BCL11A: variants seen among roughly 807,000 people sequenced by gnomAD.
BCL11A encodes the protein B cell CLL/lymphoma 11A.
In BCL11A, 2 loss-of-function variants were observed where a neutral mutation model predicts 55.9. That is an observed-to-expected ratio of 0.04 (90% confidence interval 0.01 to 0.11). BCL11A has a LOEUF of 0.11. Among genes scored for constraint, BCL11A ranks in the 10% least tolerant of loss-of-function variants. The probability of loss-of-function intolerance (pLI) is 1.00; values close to 1 mark genes in which losing one functional copy is unlikely to be tolerated. For synonymous variants in BCL11A, 465 were observed against 473.4 expected (o/e 0.98, Z 0.23); for missense variants, 817 against 1,137.1 (o/e 0.72, Z 4.05).
chr2:60,462,304 T>C lies in BCL11A; in HGVS notation c.608A>G (p.His203Arg), dbSNP rs763023112. Reference sequence around the variant, plus strand: ...AACCCGCGGGGTCAGGGGACTTCCGTGTTCGCTTTCTAAGTAGATTCTTAA... The same window carrying C: ...AACCCGCGGGGTCAGGGGACTTCCGCGTTCGCTTTCTAAGTAGATTCTTAA... Reference protein sequence around the residue: ...HGLRIYLESEHGSPLTPRVGI... With the variant: ...HGLRIYLESERGSPLTPRVGI... Residue 203 changes from histidine (H) to arginine (R), a missense_variant, in exon 4 of 4, where the codon CAC becomes CGC. His to Arg is a conservative substitution (Grantham distance 29). Transcript: ENST00000642384. 6.8e-6 allele frequency: 11 copies of C among 1,614,078 alleles called. No individual in the cohort carries two copies. The highest frequency in any genetic ancestry group is 9.3e-6 in the Non-Finnish European group (11 of 1,180,010).
At chr2:60,552,516 G>C (rs887884174) in intron 1 of BCL11A, among the ~76,000 whole-genome samples, 37 of 152,274 alleles carry the variant, frequency 2.4e-4, no homozygotes, top group Middle Eastern at 3.4e-3. Flanking sequence ...GGAACAAAAG[G>C]CGGCAGTGCC....
chr2:60,543,837 G>A (rs1285139831), intron 2 of BCL11A: 3 of 152,222 alleles, frequency 2.0e-5, no homozygotes, highest in Admixed American at 6.5e-5. Flanking sequence ...AGAGCTTTTC[G>A]TCTCAGTTAA....
intron 2 of BCL11A, among the ~76,000 whole-genome samples, chr2:60,475,834 C>T (rs1677562042): frequency 1.3e-5 from 2 of 152,186 alleles, no homozygotes; most frequent in African/African-American, 2.4e-5. Context: ...TGCCACCACT[C>T]CCCGGATTCT....
intron 2 of BCL11A, among the ~76,000 whole-genome samples, chr2:60,494,801 T>C (rs1042024798): frequency 6.6e-6 from 1 of 152,196 alleles, no homozygotes; most frequent in Non-Finnish European, 1.5e-5. Flanking sequence ...CTGGTATTTA[T>C]TAGTTACACC....
intron 2 of BCL11A, among the ~76,000 whole-genome samples, chr2:60,512,448 A>T (rs938625013): frequency 6.6e-6 from 1 of 152,188 alleles, no homozygotes; most frequent in African/African-American, 2.4e-5. Flanking sequence ...CCCCTGTGCC[A>T]CACACACTCG....
intron 2 of BCL11A, among the ~76,000 whole-genome samples, chr2:60,502,459 G>A (rs773976177): frequency 6.6e-6 from 1 of 152,146 alleles, no homozygotes; most frequent in Non-Finnish European, 1.5e-5. Context: ...GGGGTTTCTC[G>A]CTAGCACAGA....
At chr2:60,485,203 G>A (rs1449945426) in intron 2 of BCL11A, among the ~76,000 whole-genome samples, 1 of 152,328 alleles carries the variant, frequency 6.6e-6, no homozygotes, top group Admixed American at 6.5e-5. Flanking sequence ...CATCCAGAGT[G>A]TAATGGAAGT....
chr2:60,546,363 C>T lies in BCL11A; in HGVS notation c.56-63G>A. On this transcript the variant is annotated intron_variant, in intron 1 of 3. Transcript: ENST00000642384. This position sits in a 1 kb window ranked among gnomAD's most constrained non-coding sequence, Gnocchi z 4.1. ...CCAGAGAGGACAGAAAGGGGAGAAG[C>T]ACATCTCAACCCCATGCCATCCCAC... 1 of 1,388,636 alleles carries T rather than the reference C, an allele frequency of 7.2e-7. No individual in the cohort carries two copies. Among genetic ancestry groups the T allele is most frequent in the Non-Finnish European group, 1.0e-6 (1 of 996,754 alleles). 86.0% of individuals were successfully genotyped at this position (1,388,636 alleles called of 1,614,324 possible).
intron 2 of BCL11A, among the ~76,000 whole-genome samples, chr2:60,507,236 G>GGA (rs1679655282): frequency 2.5e-5 from 1 of 40,426 alleles, no homozygotes; most frequent in Non-Finnish European, 4.4e-5. Context: ...GGAAGGAAGG[G>GGA]AGGGAGGGAG....
intron 2 of BCL11A, chr2:60,499,842 C>T (rs1284414937): frequency 6.6e-6 from 1 of 152,428 alleles, no homozygotes; most frequent in African/African-American, 2.4e-5. Context: ...TCTCTTCCTC[C>T]TAATCCATAA....
chr2:60,547,196 G>C (rs1670195439), intron 1 of BCL11A, among the ~76,000 whole-genome samples: 1 of 152,080 alleles, frequency 6.6e-6, no homozygotes, highest in African/African-American at 2.4e-5. Context: ...GAATGGTCAA[G>C]CAAACACCAC....
rs356993 is a variant in BCL11A, at chr2:60,523,425, T to A, written c.385+22546A>T. The stretch of plus-strand genomic sequence containing the variant: ...TGATGAAAAGTGGTTTCTACATGGA[T>A]AGCTTTCAAAAACTTCTATATTGAT... On this transcript the variant is annotated intron_variant, in intron 2 of 3. Transcript: ENST00000642384. Among the ~76,000 whole-genome samples the A allele has an allele frequency of 3.8e-3, 583 of 152,136 alleles. 4 individuals are homozygous for A. The highest frequency in any genetic ancestry group is 0.013 in the African/African-American group (553 of 41,506).
Position 60,472,898 on chromosome 2 carries a change from C to T in BCL11A, c.386-4065G>A, listed in dbSNP as rs1677284950. 2.0e-5 allele frequency among the ~76,000 whole-genome samples: 3 copies of T among 152,370 alleles called. No individual in the cohort carries two copies. In the South Asian group the frequency reaches 6.2e-4, roughly 32 times the overall value. ...ATCATTCCAACACGTTTAATGACTG[C>T]TTTGGGAGCCCAACTTTAACAGGTA... On this transcript the variant is annotated intron_variant, in intron 2 of 3. Transcript: ENST00000642384.
intron 2 of BCL11A, among the ~76,000 whole-genome samples, chr2:60,471,863 C>G (rs1677220809): frequency 6.6e-6 from 1 of 152,226 alleles, no homozygotes; most frequent in African/African-American, 2.4e-5. Flanking sequence ...CTCAGACTTA[C>G]TGAATCAGAA....
rs1305676434 is a variant in BCL11A at position 60,459,170 on chromosome 2, G to A, written c.*1234C>T. ...CTGTTCCCCTCTGTCAAACCTTATT[G>A]TCAGCCTCTTCCTTTCAATATGGTA... On this transcript the variant is annotated 3_prime_UTR_variant, in exon 4 of 4. Coordinates refer to ENST00000642384, the MANE Select transcript of BCL11A (RefSeq NM_022893.4). The A allele has an allele frequency of 4.9e-6, 5 of 1,023,584 alleles. No individual in the cohort carries two copies. The highest frequency in any genetic ancestry group is 1.7e-5 in the African/African-American group (1 of 58,708). The allele number at this position is 1,023,584 out of a possible 1,614,324, so 63.4% of individuals were successfully genotyped here.
chr2:60,492,597 C>G (rs1263636230), intron 2 of BCL11A, among the ~76,000 whole-genome samples: 1 of 150,636 alleles, frequency 6.6e-6, no homozygotes, highest in African/African-American at 2.5e-5. Flanking sequence ...GGTGGATAAC[C>G]CCATCTCAGT....
chr2:60,521,285 T>C (rs1217386407), intron 2 of BCL11A, among the ~76,000 whole-genome samples: 1 of 152,226 alleles, frequency 6.6e-6, no homozygotes, highest in African/African-American at 2.4e-5. Flanking sequence ...CTCAGATAAC[T>C]GAGTGACACT....
intron 2 of BCL11A, among the ~76,000 whole-genome samples, chr2:60,490,612 T>A (rs1217488127): frequency 6.6e-6 from 1 of 152,162 alleles, no homozygotes; most frequent in Non-Finnish European, 1.5e-5. Context: ...AGAACACTCA[T>A]CCCATGCACC....
chr2:60,552,649 G>A (rs1033032971), intron 1 of BCL11A, among the ~76,000 whole-genome samples: 2 of 152,190 alleles, frequency 1.3e-5, no homozygotes, highest in Non-Finnish European at 2.9e-5. Context: ...CACTATTGTG[G>A]GGATGACTAC....
Sources: allele counts gnomAD v4.1 joint callset (sites outside exome capture counted in the v4.1 genomes callset), GRCh38; gene constraint gnomAD v4.1.1; non-coding constraint Gnocchi (gnomAD v3.1); transcripts MANE v1.5; gene names NCBI Gene and HGNC (gene_info 2026-07-23, HGNC 2026-07-21).